The following MX1 variants were observed in gnomAD, a reference collection of about 807,000 sequenced individuals.
MX1 encodes the protein interferon-induced GTP-binding protein Mx1.
Under a neutral mutation model 66.4 loss-of-function variants are expected in MX1, and 66 were observed. The ratio of observed to expected loss-of-function variants is 0.99; its 90% CI spans 0.82 to 1.22. MX1 has a LOEUF of 1.22. Ranked by LOEUF, MX1 falls within the 50% of genes most tolerant of loss-of-function variation. The pLI is 0.00. For missense variants in MX1, 787 were observed against 834.3 expected, an observed-to-expected ratio of 0.94 and a Z score of 0.70; for synonymous variants, 311 against 318.1, an observed-to-expected ratio of 0.98 and a Z score of 0.24.
At chr21:41,432,269 A>G (rs571659767) in intron 5 of MX1, 94 bp downstream of exon 5, 24 of 1,109,368 alleles carry the variant, frequency 2.2e-5, no homozygotes, top group Admixed American at 8.8e-5. Flanking sequence ...CTGCCCAGAT[A>G]TGCCTGCTCT....
Position 41,432,176 on chromosome 21 carries a change from G to T in MX1, c.105+1G>T. On this transcript the variant is annotated splice_donor_variant, in intron 5 of 16. Coordinates refer to ENST00000398598, the MANE Select transcript of MX1 (RefSeq NM_002462.5). LOFTEE classifies it high-confidence loss of function. ...TGTGGCCCAGAAAAATCCAGGCTCG[G>T]TAAGTTGCTCTCTGAAAGTCGCTAT... The T allele has an allele frequency of 1.9e-6, 3 of 1,613,726 alleles. No homozygotes were observed. Among genetic ancestry groups the T allele is most frequent in the Non-Finnish European group, 2.5e-6 (3 of 1,179,922 alleles).
intron 2 of MX1, 86 bp downstream of exon 2, chr21:41,427,390 A>G (rs185337002): frequency 3.3e-5 from 5 of 152,198 alleles, no homozygotes; most frequent in South Asian, 2.1e-4. Context: ...GTTTGGGGGG[A>G]AAAACGCTTT....
chr21:41,458,064 C>T (rs946981430), intron 16 of MX1, among the ~76,000 whole-genome samples: 1 of 152,100 alleles, frequency 6.6e-6, no homozygotes. Context: ...AGTACAATGG[C>T]GCGATCCCAG....
intron 1 of MX1, among the ~76,000 whole-genome samples, chr21:41,421,045 G>A (rs888250442): frequency 6.6e-6 from 1 of 152,236 alleles, no homozygotes; most frequent in Non-Finnish European, 1.5e-5. Context: ...AGTATTTATT[G>A]ATCATTTGTG....
At position 41,458,885 on chromosome 21, in the gene MX1, C is replaced by T. The variant is rs972160827; in HGVS notation, c.*127C>T. The T allele has an allele frequency of 1.5e-5, 21 of 1,430,452 alleles. No individual in the cohort carries two copies. The African/African-American group carries it at 2.7e-4, about 19-fold the overall frequency. 88.6% of individuals were successfully genotyped at this position (1,430,452 alleles called of 1,614,324 possible). A position where few individuals can be genotyped will look rare whatever the true frequency, so the allele number is the denominator to read the frequency against. ...TAGTCCGTCTCTGCTTATCCGTTAGCCGTGGTGATTTAGCAGGAAGCTGTG... is the reference window on the plus strand; with the variant it reads ...TAGTCCGTCTCTGCTTATCCGTTAGTCGTGGTGATTTAGCAGGAAGCTGTG... On this transcript the variant is annotated 3_prime_UTR_variant, in exon 17 of 17. Transcript: ENST00000398598.
chr21:41,432,521 TG>T (rs2146114039), intron 5 of MX1, among the ~76,000 whole-genome samples: 1 of 152,324 alleles, frequency 6.6e-6, no homozygotes, highest in African/African-American at 2.4e-5. Context: ...CTACAAACCC[TG>T]GGGCATCATT....
chr21:41,445,982 T>A lies in MX1; in HGVS notation c.1132-18T>A. On this transcript the variant is annotated intron_variant, in intron 12 of 16. Transcript: ENST00000398598. ...TTTGAAGTCTATCCACTTATACTGA[T>A]GTTTTTCTTCTTGACAGAAAGTTAA... is the stretch of plus-strand genomic sequence containing the variant. 1 of 1,613,198 alleles carries A rather than the reference T, an allele frequency of 6.2e-7. No individual in the cohort carries two copies. Among genetic ancestry groups the A allele is most frequent in the Non-Finnish European group, 8.5e-7 (1 of 1,179,202 alleles).
chr21:41,436,939 G>T (rs978436644), intron 6 of MX1, 76 bp from the exon 7 acceptor site: 1 of 1,544,144 alleles, frequency 6.5e-7, no homozygotes, highest in East Asian at 2.3e-5. Context: ...ATAAAAGTTT[G>T]AGAACCATGG....
rs374229735 is a variant in MX1 at position 41,441,363 on chromosome 21, C to T, written c.730+338C>T. The stretch of plus-strand genomic sequence containing the variant: ...CTTGCTCAGAAAGGCACAGTGGGCT[C>T]GGAAGCAGGTCAAACTCAGGAGGCA... On this transcript the variant is annotated intron_variant, in intron 9 of 16. Coordinates refer to ENST00000398598, the MANE Select transcript of MX1 (RefSeq NM_002462.5). The surrounding 1 kb of genome is among the most constrained non-coding windows in gnomAD (Gnocchi z 4.0). 9 of 424,608 alleles carry T rather than the reference C, an allele frequency of 2.1e-5. No individual in the cohort carries two copies. The East Asian group carries it at 2.4e-4, about 11-fold the overall frequency. The allele number at this position is 424,608 out of a possible 1,614,324, so 26.3% of individuals were successfully genotyped here.
intron 10 of MX1, chr21:41,443,369 A>G (rs1231050113): frequency 1.3e-5 from 2 of 154,522 alleles, no homozygotes; most frequent in Admixed American, 6.5e-5. Flanking sequence ...TCTTCTCCTC[A>G]GTGTTCTGCT....
rs896127567 is a variant in MX1, at chr21:41,441,264, G to A, written c.730+239G>A. ...TAAGACCTGCTAAGGGAGCAGGTTT[G>A]GTGCCCACCAAGGCCAAGTGAAATG... On this transcript the variant is annotated intron_variant, in intron 9 of 16. Transcript: ENST00000398598. This position sits in a 1 kb window ranked among gnomAD's most constrained non-coding sequence, Gnocchi z 4.0. 2.2e-5 allele frequency: 12 copies of A among 547,690 alleles called. No homozygotes were observed. The East Asian group carries it at 3.8e-4, about 17-fold the overall frequency. 33.9% of individuals were successfully genotyped at this position (547,690 alleles called of 1,614,324 possible).
At chr21:41,431,782 T>G in intron 4 of MX1, 1 of 349,174 alleles carries the variant, frequency 2.9e-6, no homozygotes. Context: ...CCTGGAGGGA[T>G]ATTCTTGAAG....
chr21:41,424,064 T>C (rs1028507085), upstream of MX1, among the ~76,000 whole-genome samples: 9 of 152,020 alleles, frequency 5.9e-5, no homozygotes, highest in African/African-American at 1.9e-4. Flanking sequence ...TCACCCAGAG[T>C]GAAGTCTCTG....
Position 41,443,823 on chromosome 21 carries a change from G to A in MX1, c.965G>A (p.Cys322Tyr), listed in dbSNP as rs778153448. 6.2e-6 allele frequency: 10 copies of A among 1,614,112 alleles called. No individual in the cohort carries two copies. The East Asian group carries it at 1.8e-4, about 29-fold the overall frequency. The change falls in exon 11 of 17, where the codon TGC (cysteine) becomes TAC (tyrosine). Residue 322 changes from cysteine (C) to tyrosine (Y), a missense_variant. Physicochemically the swap from Cys to Tyr is radical, Grantham distance 194. Transcript: ENST00000398598. ...LLEEGKATVP[C>Y]LAEKLTSELI... Reference sequence around the variant, plus strand: ...GAGGAAGGAAAGGCCACGGTTCCCTGCCTGGCAGAAAAACTTACCAGCGAG... The same window carrying A: ...GAGGAAGGAAAGGCCACGGTTCCCTACCTGGCAGAAAAACTTACCAGCGAG...
At chr21:41,438,629 C>G (rs1328362294) in intron 7 of MX1, among the ~76,000 whole-genome samples, 1 of 152,216 alleles carries the variant, frequency 6.6e-6, no homozygotes, top group East Asian at 1.9e-4. Flanking sequence ...TGGCCAAGCC[C>G]AATTTCAAGG....
chr21:41,421,655 A>G (rs1253882113), upstream of MX1, among the ~76,000 whole-genome samples: 1 of 152,234 alleles, frequency 6.6e-6, no homozygotes, highest in Non-Finnish European at 1.5e-5. Context: ...CCCTTAATCC[A>G]TTTAACCCTG....
At chr21:41,451,828 C>A (rs2090836519) in intron 15 of MX1, among the ~76,000 whole-genome samples, 1 of 131,526 alleles carries the variant, frequency 7.6e-6, no homozygotes, top group East Asian at 2.1e-4. Flanking sequence ...GAGCGAGACC[C>A]CGTCTCAAAA....
In MX1 at chr21:41,458,615, A is replaced by G. The variant is rs2146396935; in HGVS notation, c.1846A>G (p.Met616Val). The change falls in exon 17 of 17, where the codon ATG becomes GTG. Residue 616 changes from methionine (M) to valine (V), a missense_variant. Coordinates refer to ENST00000398598, the MANE Select transcript of MX1 (RefSeq NM_002462.5). ...GTACGGCCAGCAGCTTCAGAAGGCC[A>G]TGCTGCAGCTCCTGCAGGACAAGGA... ...QTYGQQLQKA[M>V]LQLLQDKDTY... The G allele has an allele frequency of 1.2e-6, 2 of 1,613,738 alleles. No homozygotes were observed. Among genetic ancestry groups the G allele is most frequent in the South Asian group, 2.2e-5 (2 of 91,042 alleles).
rs749928029 is a variant in MX1, at chr21:41,437,190, T to C, written c.436+38T>C. On this transcript the variant is annotated intron_variant, in intron 7 of 16. Transcript: ENST00000398598. ...TGTTTGGATGCCTGGTCAAGCCTTC[T>C]GACATGCATGGGGTCTGTTTGTAAC... 4 of 1,611,512 alleles carry C rather than the reference T, an allele frequency of 2.5e-6. No homozygotes were observed. The Admixed American group carries it at 5.0e-5, about 20-fold the overall frequency.
Sources: allele counts gnomAD v4.1 joint callset (sites outside exome capture counted in the v4.1 genomes callset), GRCh38; gene constraint gnomAD v4.1.1; non-coding constraint Gnocchi (gnomAD v3.1); transcripts MANE v1.5; gene names NCBI Gene and HGNC (gene_info 2026-07-23, HGNC 2026-07-21).